The following TTC19 variants were observed in gnomAD, a reference collection of about 807,000 sequenced individuals.
The protein encoded by TTC19 is tetratricopeptide repeat protein 19, mitochondrial.
In TTC19, 38 loss-of-function variants were observed where a neutral mutation model predicts 49.5. That is an observed-to-expected ratio of 0.77 (90% CI 0.59 to 1.01). TTC19 has a LOEUF of 1.01. Among genes scored for constraint, TTC19 ranks in the 50% least tolerant of loss-of-function variants. The pLI is 0.00. For missense variants in TTC19, 475 were observed against 477.7 expected (o/e 0.99, Z 0.05); for synonymous variants, 204 against 185.2 (o/e 1.10, Z -0.83).
rs780371130 is a variant in TTC19 at position 16,028,542 on chromosome 17, C to G, written c.*1020C>G. On this transcript the variant is annotated 3_prime_UTR_variant, in exon 10 of 10. Coordinates refer to ENST00000261647, the MANE Select transcript of TTC19 (RefSeq NM_017775.4). ...TGAATAGACTGCTGTGCTGAAAGAGCTTTATCACACTGTCTCAAAGTATGT... is the reference window on the plus strand; with the variant it reads ...TGAATAGACTGCTGTGCTGAAAGAGGTTTATCACACTGTCTCAAAGTATGT... The G allele has an allele frequency of 8.8e-6, 4 of 453,856 alleles. No individual in the cohort carries two copies. Among genetic ancestry groups the G allele is most frequent in the Middle Eastern group, 1.4e-3 (2 of 1,466 alleles). 28.1% of individuals were successfully genotyped at this position (453,856 alleles called of 1,614,324 possible).
chr17:16,025,962 C>G (rs1971541508), intron 8 of TTC19, among the ~76,000 whole-genome samples: 1 of 152,128 alleles, frequency 6.6e-6, no homozygotes, highest in African/African-American at 2.4e-5. Flanking sequence ...GAATTCAGAT[C>G]TCCAAGTACT....
chr17:16,015,981 C>A (rs1188029642), intron 7 of TTC19, among the ~76,000 whole-genome samples: 1 of 152,072 alleles, frequency 6.6e-6, no homozygotes, highest in Non-Finnish European at 1.5e-5. Flanking sequence ...GAGCCAACTT[C>A]TGGTTTCATT....
At chr17:16,023,818 TAAAAA>T (rs1287298397) in intron 7 of TTC19, 2 of 152,216 alleles carry the variant, frequency 1.3e-5, no homozygotes, top group Non-Finnish European at 2.9e-5. Context: ...GGGAAGGTAT[TAAAAA>T]AGAAAAGTCT....
chr17:16,021,845 G>C (rs1345956454), intron 7 of TTC19, among the ~76,000 whole-genome samples: 10 of 152,146 alleles, frequency 6.6e-5, no homozygotes, highest in Non-Finnish European at 1.3e-4. Context: ...TTCATCTTCA[G>C]CAAGGTTTTA....
At chr17:16,027,349 G>C (rs1047187461) in intron 9 of TTC19, 25 bp from the exon 10 acceptor site, 14 of 1,613,198 alleles carry the variant, frequency 8.7e-6, no homozygotes, top group Middle Eastern at 3.3e-4. Flanking sequence ...TCTTCTTACT[G>C]TCCCTTCTCT....
rs1413616572 is a variant in TTC19 at position 16,026,624 on chromosome 17, T to G, written c.916T>G (p.Ser306Ala). Residue 306 changes from serine to alanine, a missense_variant, in exon 9 of 10, where the codon TCA (serine) becomes GCA (alanine). Transcript: ENST00000261647. Reference protein sequence around the residue: ...DEAYIYMQRASDLARQINHPE... With the variant: ...DEAYIYMQRAADLARQINHPE... ...GGCCTATATTTATATGCAAAGGGCA[T>G]CAGATCTGGCAAGACAGATAAATCA... is the stretch of plus-strand genomic sequence containing the variant. The G allele has an allele frequency of 6.2e-7, 1 of 1,614,148 alleles. No homozygotes were observed. The highest frequency in any genetic ancestry group is 2.2e-5 in the East Asian group (1 of 44,884).
intron 4 of TTC19, 28 bp from the exon 5 acceptor site, chr17:16,003,803 A>T (rs1303105697): frequency 1.2e-6 from 2 of 1,605,962 alleles, no homozygotes; most frequent in South Asian, 2.2e-5. Flanking sequence ...GCCCAATTAA[A>T]AGAAAAATCT....
intron 7 of TTC19, among the ~76,000 whole-genome samples, chr17:16,013,452 A>G (rs574940014): frequency 2.0e-5 from 3 of 152,276 alleles, no homozygotes; most frequent in African/African-American, 7.2e-5. Context: ...AAGCTTTGAA[A>G]TTGTATGCAT....
At chr17:16,033,692 A>G (rs1461953353), downstream of TTC19, among the ~76,000 whole-genome samples, 1 of 152,250 alleles carries the variant, frequency 6.6e-6, no homozygotes, top group Non-Finnish European at 1.5e-5. Context: ...CTGTGATCAT[A>G]GTTATTACAT....
intron 9 of TTC19, 34 bp from the exon 10 acceptor site, chr17:16,027,337 TTTC>T (rs1567588334): frequency 6.2e-7 from 1 of 1,612,342 alleles, no homozygotes; most frequent in East Asian, 2.2e-5. Flanking sequence ...AAACATACAC[TTTC>T]TTCTTACTGT....
intron 2 of TTC19, chr17:16,040,009 C>T (rs140109723): frequency 0.01 from 3,985 of 390,444 alleles, 80 homozygotes; most frequent in South Asian, 0.04. Context: ...AGGCTGATCT[C>T]GAATTCCGAA....
chr17:16,039,123 C>G (rs1360506784), intron 2 of TTC19: 2 of 241,926 alleles, frequency 8.3e-6, no homozygotes, highest in East Asian at 8.7e-5. Flanking sequence ...CACTTTTATT[C>G]AAAAACATTA....
chr17:16,036,181 A>G (rs1042515218), intron 2 of TTC19, among the ~76,000 whole-genome samples: 8 of 152,224 alleles, frequency 5.3e-5, no homozygotes, highest in African/African-American at 1.9e-4. Flanking sequence ...CATGAAAACA[A>G]CATTCATCTC....
rs748436635 is a variant in TTC19, at chr17:15,999,898, C to T, written c.50C>T (p.Ala17Val). 4 of 1,397,110 alleles carry T rather than the reference C, an allele frequency of 2.9e-6. No individual in the cohort carries two copies. In the African/African-American group the frequency reaches 4.6e-5, roughly 16 times the overall value. 86.5% of individuals were successfully genotyped at this position (1,397,110 alleles called of 1,614,324 possible). A position where few individuals can be genotyped will look rare whatever the true frequency, so the allele number is the denominator to read the frequency against. The change falls in exon 1 of 10, where the codon GCG becomes GTG. Residue 17 changes from alanine (A) to valine (V), a missense_variant. Transcript: ENST00000261647. ...CTGGGCCGAGGCTTCCTGCGGGCCGCGGGGCGGCGGTGCCGGGGCTGCTCC... is the reference window on the plus strand; with the variant it reads ...CTGGGCCGAGGCTTCCTGCGGGCCGTGGGGCGGCGGTGCCGGGGCTGCTCC... ...WSLGRGFLRA[A>V]GRRCRGCSAR...
At chr17:16,020,850 T>TG (rs1555530142) in intron 7 of TTC19, among the ~76,000 whole-genome samples, 1 of 151,568 alleles carries the variant, frequency 6.6e-6, no homozygotes, top group Non-Finnish European at 1.5e-5. Flanking sequence ...TATATATTTT[T>TG]GGGGGGTGGT....
intron 7 of TTC19, among the ~76,000 whole-genome samples, chr17:16,013,232 A>G (rs1597458779): frequency 3.3e-5 from 5 of 152,314 alleles, no homozygotes; most frequent in South Asian, 2.1e-4. Context: ...ATGAATCATA[A>G]TATGTATTCA....
At chr17:16,000,783 C>T (rs1456216434) in intron 2 of TTC19, among the ~76,000 whole-genome samples, 3 of 152,150 alleles carry the variant, frequency 2.0e-5, no homozygotes, top group Admixed American at 2.0e-4. Context: ...TACTGACATG[C>T]CATTTGCACT....
intron 7 of TTC19, among the ~76,000 whole-genome samples, chr17:16,021,551 T>C (rs1208399478): frequency 6.6e-6 from 1 of 152,100 alleles, no homozygotes; most frequent in Non-Finnish European, 1.5e-5. Flanking sequence ...GGCAGTATGG[T>C]GTCTTATAGA....
intron 2 of TTC19, among the ~76,000 whole-genome samples, chr17:16,041,971 C>T (rs1034240054): frequency 1.3e-5 from 2 of 151,684 alleles, no homozygotes; most frequent in African/African-American, 2.4e-5. Context: ...CTCCTGACCT[C>T]GATATGCCCG....
Sources: allele counts gnomAD v4.1 joint callset (sites outside exome capture counted in the v4.1 genomes callset), GRCh38; gene constraint gnomAD v4.1.1; transcripts MANE v1.5; gene names NCBI Gene and HGNC (gene_info 2026-07-23, HGNC 2026-07-21).